Variants in CACNA2D2 observed in about 807,000 individuals in gnomAD.
CACNA2D2 encodes the protein voltage-dependent calcium channel subunit alpha-2/delta-2.
CACNA2D2 carries 48 observed loss-of-function variants against 166.4 expected under a neutral mutation model. That is an observed-to-expected ratio of 0.29 (90% CI 0.23 to 0.37). The LOEUF (loss-of-function observed/expected upper bound fraction) is 0.37, where lower values mean the gene tolerates loss of function less well. Among genes scored for constraint, CACNA2D2 ranks in the 10% least tolerant of loss-of-function variants. The pLI is 1.00. For missense variants in CACNA2D2, 1,122 were observed against 1,433.0 expected, an observed-to-expected ratio of 0.78 and a Z score of 3.50; for synonymous variants, 561 against 573.7, an observed-to-expected ratio of 0.98 and a Z score of 0.32.
Position 50,376,195 on chromosome 3 carries a change from G to A in CACNA2D2, c.1627-7C>T. Reference sequence around the variant, plus strand: ...CATAGCCGTTGGCTCCAAGCTGGAGGCACAGATTGGGGGCTCAGGGTCTGG... The same window carrying A: ...CATAGCCGTTGGCTCCAAGCTGGAGACACAGATTGGGGGCTCAGGGTCTGG... On this transcript the variant is annotated splice_region_variant and splice_polypyrimidine_tract_variant and intron_variant, in intron 17 of 37. Transcript: ENST00000424201. This position sits in a 1 kb window ranked among gnomAD's most constrained non-coding sequence, Gnocchi z 4.3. 1 of 1,612,996 alleles carries A rather than the reference G, an allele frequency of 6.2e-7. No homozygotes were observed. Among genetic ancestry groups the A allele is most frequent in the African/African-American group, 1.3e-5 (1 of 75,054 alleles).
chr3:50,410,486 G>GGGA (rs1559921692), intron 3 of CACNA2D2, among the ~76,000 whole-genome samples: 1 of 151,984 alleles, frequency 6.6e-6, no homozygotes, highest in African/African-American at 2.4e-5. Flanking sequence ...GGGATGGGGG[G>GGGA]GGGGGTGTTG....
At chr3:50,457,112 T>C (rs557693554) in intron 2 of CACNA2D2, among the ~76,000 whole-genome samples, 2 of 152,266 alleles carry the variant, frequency 1.3e-5, no homozygotes, top group Non-Finnish European at 2.9e-5. Context: ...TAGCTGGGCA[T>C]GGTGGCACGC....
At chr3:50,437,711 C>A (rs1366228519) in intron 2 of CACNA2D2, among the ~76,000 whole-genome samples, 1 of 152,114 alleles carries the variant, frequency 6.6e-6, no homozygotes, top group South Asian at 2.1e-4. Flanking sequence ...CACCTGCAGG[C>A]CCAGCAGGAG....
At chr3:50,502,415 T>C (rs1309380514) in intron 1 of CACNA2D2, among the ~76,000 whole-genome samples, 1 of 152,240 alleles carries the variant, frequency 6.6e-6, no homozygotes. Flanking sequence ...CAGACACATC[T>C]GGCTAAGCTC....
chr3:50,369,156 A>G (rs998563107), intron 23 of CACNA2D2, among the ~76,000 whole-genome samples: 5 of 152,218 alleles, frequency 3.3e-5, no homozygotes, highest in African/African-American at 1.2e-4. Context: ...CCTAGAGGCC[A>G]CATTGGACAC....
At chr3:50,397,591 G>A (rs1706225394) in intron 3 of CACNA2D2, among the ~76,000 whole-genome samples, 1 of 152,148 alleles carries the variant, frequency 6.6e-6, no homozygotes, top group Non-Finnish European at 1.5e-5. Flanking sequence ...TCAACATCCT[G>A]CCTATAAACT....
rs1209696501 is a variant in CACNA2D2 at position 50,366,025 on chromosome 3, G to A, written c.2848C>T (p.Arg950Trp). ...TGGGGACTCACCACAAAGACACCCC[G>A]GGGTGCAGCACCCAGGTTGCCAGGG... is the stretch of plus-strand genomic sequence containing the variant. Reference protein sequence around the residue: ...QPPGNLGAAPRGVFVPTVADF... With the variant: ...QPPGNLGAAPWGVFVPTVADF... The change falls in exon 32 of 38, where the codon CGG becomes TGG. Residue 950 changes from arginine (R) to tryptophan (W), a missense_variant. Transcript: ENST00000424201. This position sits in a 1 kb window ranked among gnomAD's most constrained non-coding sequence, Gnocchi z 5.9. 6 of 1,612,752 alleles carry A rather than the reference G, an allele frequency of 3.7e-6. No individual in the cohort carries two copies. The African/African-American group carries it at 5.3e-5, about 14-fold the overall frequency.
chr3:50,482,856 C>T (rs1432415583), intron 1 of CACNA2D2, among the ~76,000 whole-genome samples: 1 of 152,190 alleles, frequency 6.6e-6, no homozygotes. Flanking sequence ...AGAAGACTCT[C>T]AGGTTTCAGC....
intron 3 of CACNA2D2, among the ~76,000 whole-genome samples, chr3:50,431,980 C>CAAAA (rs57712165): frequency 0.052 from 4,813 of 92,002 alleles, 493 homozygotes; most frequent in African/African-American, 0.19. Context: ...GTGTCTGTCT[C>CAAAA]AAAAAAAAAA....
At chr3:50,455,331 C>T (rs1217384069) in intron 2 of CACNA2D2, among the ~76,000 whole-genome samples, 2 of 152,204 alleles carry the variant, frequency 1.3e-5, no homozygotes, top group African/African-American at 4.8e-5. Context: ...CTGGGGGCCA[C>T]GAGCTCAGAA....
chr3:50,425,979 G>A (rs1361039893), intron 3 of CACNA2D2, among the ~76,000 whole-genome samples: 2 of 152,130 alleles, frequency 1.3e-5, no homozygotes, highest in Non-Finnish European at 2.9e-5. Context: ...ACCCCCAGTC[G>A]AGGTCCTGCC....
rs1707881821 is a variant in CACNA2D2 at position 50,427,906 on chromosome 3, C to A, written c.405+6407G>T. ...TCAGTGAATGCACCCGTGGACTCAG[C>A]TGAACTGGCCTCCAGCTGCCTCAGT... On this transcript the variant is annotated intron_variant, in intron 3 of 37. Transcript: ENST00000424201. This position sits in a 1 kb window ranked among gnomAD's most constrained non-coding sequence, Gnocchi z 4.7. Among the ~76,000 whole-genome samples, 1 of 152,208 alleles carries A rather than the reference C, an allele frequency of 6.6e-6. No individual in the cohort carries two copies. Among genetic ancestry groups the A allele is most frequent in the African/African-American group, 2.4e-5 (1 of 41,452 alleles).
In CACNA2D2 at chr3:50,376,276, C is replaced by A; in HGVS notation, c.1627-88G>T. The A allele has an allele frequency of 7.4e-7, 1 of 1,342,510 alleles. No homozygotes were observed. The highest frequency in any genetic ancestry group is 1.0e-6 in the Non-Finnish European group (1 of 960,030). 83.2% of individuals were successfully genotyped at this position (1,342,510 alleles called of 1,614,324 possible). ...AGTTCTTCCCTATTTGGCCTCCCAC[C>A]GCACCGAGAGATTCTGTTTGCCTGC... On this transcript the variant is annotated intron_variant, in intron 17 of 37. Transcript: ENST00000424201. This position sits in a 1 kb window ranked among gnomAD's most constrained non-coding sequence, Gnocchi z 4.3.
intron 1 of CACNA2D2, among the ~76,000 whole-genome samples, chr3:50,478,801 A>C (rs1575754508): frequency 6.6e-6 from 1 of 152,324 alleles, no homozygotes; most frequent in East Asian, 1.9e-4. Flanking sequence ...CCATCACCTG[A>C]GGAGCTTGAA....
intron 2 of CACNA2D2, among the ~76,000 whole-genome samples, chr3:50,451,235 C>T (rs1290788597): frequency 1.3e-5 from 2 of 152,142 alleles, no homozygotes; most frequent in African/African-American, 4.8e-5. Context: ...AAGCGATTCC[C>T]CTGCCTCAGC....
chr3:50,395,284 G>A (rs1178622390), intron 3 of CACNA2D2, among the ~76,000 whole-genome samples: 2 of 152,156 alleles, frequency 1.3e-5, no homozygotes, highest in African/African-American at 2.4e-5. Context: ...AGATGAGGAC[G>A]GCCAGGCACA....
intron 6 of CACNA2D2, 22 bp from the exon 7 acceptor site, chr3:50,381,148 G>C (rs200637271): frequency 2.5e-6 from 4 of 1,612,578 alleles, no homozygotes; most frequent in Middle Eastern, 1.7e-4. Flanking sequence ...CGGGGAGCTG[G>C]GGTGGGGAGC....
chr3:50,476,729 G>C (rs933198426), intron 1 of CACNA2D2, among the ~76,000 whole-genome samples: 1 of 152,152 alleles, frequency 6.6e-6, no homozygotes, highest in Non-Finnish European at 1.5e-5. Flanking sequence ...GACGTGGAGA[G>C]TTCCAGATTA....
In CACNA2D2 at chr3:50,364,811, G is replaced by A. The variant is rs762928595; in HGVS notation, c.3292-5C>T. The A allele has an allele frequency of 1.2e-6, 2 of 1,612,294 alleles. No homozygotes were observed. Among genetic ancestry groups the A allele is most frequent in the South Asian group, 2.2e-5 (2 of 90,998 alleles). On this transcript the variant is annotated splice_polypyrimidine_tract_variant and splice_region_variant and intron_variant, in intron 37 of 37. Transcript: ENST00000424201. ...GCCACAGTCTGAGGTATCTTCCTGCGGGGAGAGACAAGGAGCTGGTCGGCC... is the reference window on the plus strand; with the variant it reads ...GCCACAGTCTGAGGTATCTTCCTGCAGGGAGAGACAAGGAGCTGGTCGGCC...
Sources: allele counts gnomAD v4.1 joint callset (sites outside exome capture counted in the v4.1 genomes callset), GRCh38; gene constraint gnomAD v4.1.1; non-coding constraint Gnocchi (gnomAD v3.1); transcripts MANE v1.5; gene names NCBI Gene and HGNC (gene_info 2026-07-23, HGNC 2026-07-21).